Variants in BRD10 observed in about 807,000 individuals in gnomAD.
BRD10 encodes the protein bromodomain containing 10, also known as uncharacterized bromodomain-containing protein 10.
chr9:5,890,195 C>T, the BRD10 span, among the ~76,000 whole-genome samples: 1 of 152,154 alleles, frequency 6.6e-6, no homozygotes, highest in Non-Finnish European at 1.5e-5. Flanking sequence ...TCCATGTTCA[C>T]GTGTGAGATA....
chr9:5,946,978 A>G, the BRD10 span, among the ~76,000 whole-genome samples: 1 of 152,104 alleles, frequency 6.6e-6, no homozygotes, highest in African/African-American at 2.4e-5. Flanking sequence ...TTACAGGAAC[A>G]ATGAAGACAT....
At chr9:5,921,839 A>G in the BRD10 span, 10 of 1,614,024 alleles carry the variant, frequency 6.2e-6, no homozygotes, top group South Asian at 9.9e-5. Context: ...AGTTTTATCT[A>G]TCACGTGGCC....
the BRD10 span, chr9:5,969,223 C>T: frequency 1.9e-6 from 3 of 1,613,654 alleles, no homozygotes; most frequent in African/African-American, 1.3e-5. Context: ...AAGCATTACA[C>T]TGAGGCATCA....
At chr9:5,909,163 G>A in the BRD10 span, 8 of 153,990 alleles carry the variant, frequency 5.2e-5, no homozygotes, top group South Asian at 1.6e-3. Context: ...TAAGACAAAG[G>A]GTTGACTGGC....
the BRD10 span, among the ~76,000 whole-genome samples, chr9:5,902,098 TA>T: frequency 6.6e-6 from 1 of 152,214 alleles, no homozygotes; most frequent in African/African-American, 2.4e-5. Flanking sequence ...ATATCTTTCT[TA>T]AATGTTTGGT....
chr9:5,941,742 T>C, the BRD10 span, among the ~76,000 whole-genome samples: 59 of 152,292 alleles, frequency 3.9e-4, no homozygotes, highest in South Asian at 3.3e-3. Flanking sequence ...AAAGACTTTG[T>C]TATGTAAACA....
chr9:5,968,550 C>T, the BRD10 span: 2 of 1,613,856 alleles, frequency 1.2e-6, no homozygotes, highest in Admixed American at 3.3e-5. Context: ...CCCATTTCAA[C>T]AGAGATGTCA....
the BRD10 span, among the ~76,000 whole-genome samples, chr9:6,005,355 A>G: frequency 2.6e-5 from 4 of 151,362 alleles, no homozygotes; most frequent in East Asian, 7.8e-4. Context: ...TACCAAAAAT[A>G]CGAAGATTAG....
At chr9:5,992,516 A>G in the BRD10 span, among the ~76,000 whole-genome samples, 3 of 87,884 alleles carry the variant, frequency 3.4e-5, no homozygotes, top group South Asian at 3.8e-4. Flanking sequence ...AATACACTAA[A>G]ATAGCTCTCC....
At chr9:5,960,638 A>G in the BRD10 span, among the ~76,000 whole-genome samples, 3 of 152,116 alleles carry the variant, frequency 2.0e-5, no homozygotes, top group African/African-American at 7.2e-5. Flanking sequence ...GAACTGGTTG[A>G]AAGTATCTTA....
chr9:5,985,839 T>C, the BRD10 span, among the ~76,000 whole-genome samples: 2 of 151,844 alleles, frequency 1.3e-5, no homozygotes, highest in South Asian at 2.1e-4. Flanking sequence ...ATAAAATGCA[T>C]GGGAATGAGA....
the BRD10 span, chr9:5,922,682 A>G: frequency 4.3e-6 from 7 of 1,613,888 alleles, no homozygotes; most frequent in Non-Finnish European, 5.9e-6. Context: ...CTTAGGCAGA[A>G]TAAGAACTTG....
the BRD10 span, among the ~76,000 whole-genome samples, chr9:5,954,260 T>C: frequency 6.6e-6 from 1 of 152,168 alleles, no homozygotes; most frequent in Non-Finnish European, 1.5e-5. Context: ...AAGCAAACAT[T>C]AAACTATTAA....
chr9:6,008,340 G>A, the BRD10 span: 1 of 984,572 alleles, frequency 1.0e-6, no homozygotes, highest in Non-Finnish European at 1.2e-6. Flanking sequence ...ACAACTGTCA[G>A]TTAGAAGCCC....
the BRD10 span, among the ~76,000 whole-genome samples, chr9:5,936,426 T>C: frequency 2.0e-5 from 3 of 152,196 alleles, no homozygotes. Flanking sequence ...TCTCCTGTCC[T>C]AATTAAAAGC....
the BRD10 span, among the ~76,000 whole-genome samples, chr9:5,940,126 CTTTT>C: frequency 1.4e-5 from 2 of 142,178 alleles, no homozygotes; most frequent in South Asian, 2.3e-4. Context: ...AAATTTCTTT[CTTTT>C]TAACATATCT....
At chr9:5,925,028 C>T in the BRD10 span, among the ~76,000 whole-genome samples, 1 of 151,998 alleles carries the variant, frequency 6.6e-6, no homozygotes, top group Non-Finnish European at 1.5e-5. Context: ...AAGACAGAAC[C>T]TATGGTATAG....
chr9:5,969,415 T>G, the BRD10 span: 1 of 1,572,778 alleles, frequency 6.4e-7, no homozygotes. Flanking sequence ...CTTCTGCTTC[T>G]TTTCTTTCCT....
chr9:5,918,275 A>G, the BRD10 span, among the ~76,000 whole-genome samples: 4 of 152,260 alleles, frequency 2.6e-5, no homozygotes, highest in Admixed American at 2.6e-4. Flanking sequence ...CTTTAGGCCT[A>G]TGCTTCCATA....
Sources: allele counts gnomAD v4.1 joint callset (sites outside exome capture counted in the v4.1 genomes callset), GRCh38; gene constraint gnomAD v4.1.1; transcripts MANE v1.5; gene names NCBI Gene and HGNC (gene_info 2026-07-23, HGNC 2026-07-21).